MSRB3: variants seen among roughly 807,000 people sequenced by gnomAD.
The protein encoded by MSRB3 is methionine-R-sulfoxide reductase B3.
In MSRB3, 13 loss-of-function variants were observed where a neutral mutation model predicts 21.0. That is an observed-to-expected ratio of 0.62 (90% CI 0.40 to 0.98). MSRB3 has a LOEUF of 0.98. MSRB3 is among the 50% of genes least tolerant of loss of function. MSRB3 has a pLI of 0.00. For missense variants in MSRB3, 199 were observed against 230.3 expected, an observed-to-expected ratio of 0.86 and a Z score of 0.88; for synonymous variants, 87 against 88.6, an observed-to-expected ratio of 0.98 and a Z score of 0.10.
intron 4 of MSRB3, among the ~76,000 whole-genome samples, chr12:65,354,658 A>T (rs752522986): frequency 3.3e-5 from 5 of 151,808 alleles, no homozygotes; most frequent in African/African-American, 9.6e-5. Context: ...CTTTAAGTTT[A>T]CTACAAAGGC....
intron 5 of MSRB3, among the ~76,000 whole-genome samples, chr12:65,440,513 A>G (rs1357860290): frequency 6.6e-6 from 1 of 151,924 alleles, no homozygotes; most frequent in African/African-American, 2.4e-5. Flanking sequence ...AACAATGCAT[A>G]AGAATTTAAT....
Position 65,358,469 on chromosome 12 carries a change from T to C in MSRB3, c.264-10529T>C, listed in dbSNP as rs75530209. ...CTTTATTTATTTTTGTTGCTCATAT[T>C]GTTCCAGGTTTGGCCATTGAGAGCT... On this transcript the variant is annotated intron_variant, in intron 4 of 6. Transcript: ENST00000308259. Among the ~76,000 whole-genome samples the C allele has an allele frequency of 3.4e-3, 512 of 152,172 alleles. 9 individuals are homozygous for C. The East Asian group carries it at 0.049, about 14-fold the overall frequency.
chr12:65,388,792 G>A (rs1183053355), intron 5 of MSRB3, among the ~76,000 whole-genome samples: 1 of 152,104 alleles, frequency 6.6e-6, no homozygotes, highest in Non-Finnish European at 1.5e-5. Flanking sequence ...GATCACCTGA[G>A]CCCAGGGAGG....
chr12:65,363,714 G>T lies in MSRB3; in HGVS notation c.264-5284G>T, dbSNP rs540884348. ...AAAATAACAGCTTGGGGCCGGGCGTGGTGGCTCACACCTGTAATCCTAGCA... is the reference window on the plus strand; with the variant it reads ...AAAATAACAGCTTGGGGCCGGGCGTTGTGGCTCACACCTGTAATCCTAGCA... On this transcript the variant is annotated intron_variant, in intron 4 of 6. Transcript: ENST00000308259. Among the ~76,000 whole-genome samples the T allele has an allele frequency of 2.6e-4, 40 of 152,190 alleles. 1 individual carries two copies. The South Asian group carries it at 7.5e-3, about 28-fold the overall frequency.
chr12:65,458,470 C>A (rs910128363), intron 6 of MSRB3, among the ~76,000 whole-genome samples: 3 of 152,146 alleles, frequency 2.0e-5, no homozygotes, highest in African/African-American at 4.8e-5. Context: ...GTCCTATCAC[C>A]ACTTTTTCTA....
intron 5 of MSRB3, among the ~76,000 whole-genome samples, chr12:65,423,425 G>T (rs1005940165): frequency 1.2e-4 from 19 of 152,132 alleles, no homozygotes; most frequent in African/African-American, 4.6e-4. Flanking sequence ...CCCTTGTCTT[G>T]TTTCAGATCT....
At chr12:65,442,597 T>C (rs1882434661) in intron 5 of MSRB3, among the ~76,000 whole-genome samples, 1 of 152,092 alleles carries the variant, frequency 6.6e-6, no homozygotes, top group Non-Finnish European at 1.5e-5. Context: ...CTGTCTGATG[T>C]AGCTAATAAA....
At chr12:65,404,591 T>C (rs1026932252) in intron 5 of MSRB3, among the ~76,000 whole-genome samples, 1 of 152,234 alleles carries the variant, frequency 6.6e-6, no homozygotes. Flanking sequence ...TCCTTTTCTC[T>C]GAAGAATGTC....
chr12:65,283,815 G>A (rs1872185956), intron 1 of MSRB3: 1 of 152,146 alleles, frequency 6.6e-6, no homozygotes, highest in African/African-American at 2.4e-5. Flanking sequence ...TGCTTTTATG[G>A]TATCCTGCTT....
intron 5 of MSRB3, among the ~76,000 whole-genome samples, chr12:65,452,619 T>C (rs1882904878): frequency 6.6e-6 from 1 of 152,192 alleles, no homozygotes; most frequent in African/African-American, 2.4e-5. Flanking sequence ...CTCTTGGTGT[T>C]AAATCTAGCA....
intron 1 of MSRB3, among the ~76,000 whole-genome samples, chr12:65,292,781 T>C (rs1872735341): frequency 6.6e-6 from 1 of 152,140 alleles, no homozygotes; most frequent in Non-Finnish European, 1.5e-5. Context: ...AGTAGTGTGG[T>C]GCTCTTCTAG....
chr12:65,343,768 A>G (rs1260749527), intron 4 of MSRB3, among the ~76,000 whole-genome samples: 1 of 152,044 alleles, frequency 6.6e-6, no homozygotes, highest in African/African-American at 2.4e-5. Context: ...GCTCAATATT[A>G]TGTTATAATG....
intron 1 of MSRB3, chr12:65,279,157 ACCCGCGGGAGCCTCTCGC>A: frequency 9.4e-7 from 1 of 1,062,314 alleles, no homozygotes; most frequent in Non-Finnish European, 1.2e-6. Flanking sequence ...GCGAACCTGA[ACCCGCGGGAGCCTCTCGC>A]CCCGCGCGGG....
chr12:65,382,858 G>GTA (rs563141207), intron 5 of MSRB3, among the ~76,000 whole-genome samples: 155 of 151,812 alleles, frequency 1.0e-3, no homozygotes, highest in Admixed American at 2.9e-3. Flanking sequence ...CCACACACGT[G>GTA]TATATATATA....
chr12:65,353,594 C>A (rs1877182688), intron 4 of MSRB3, among the ~76,000 whole-genome samples: 1 of 152,108 alleles, frequency 6.6e-6, no homozygotes, highest in Admixed American at 6.6e-5. Context: ...CTTCCTCCAT[C>A]CCTTTATTTT....
rs1233903999 is a variant in MSRB3, at chr12:65,465,265, T to C, written c.*1943T>C. 3 of 152,228 alleles carry C rather than the reference T, an allele frequency of 2.0e-5. No homozygotes were observed. The highest frequency in any genetic ancestry group is 2.0e-4 in the Admixed American group (3 of 15,274). 9.4% of individuals were successfully genotyped at this position (152,228 alleles called of 1,614,324 possible). A position where few individuals can be genotyped will look rare whatever the true frequency, so the allele number is the denominator to read the frequency against. On this transcript the variant is annotated 3_prime_UTR_variant, in exon 7 of 7. Coordinates refer to ENST00000308259, the MANE Select transcript of MSRB3 (RefSeq NM_001031679.3). The stretch of plus-strand genomic sequence containing the variant: ...TTCACAAGTATAAACAATGGTGATG[T>C]AAGTCAACATTGCTGTAGCCAGGTG...
intron 5 of MSRB3, among the ~76,000 whole-genome samples, chr12:65,407,259 G>T (rs1271562320): frequency 2.0e-5 from 3 of 151,100 alleles, no homozygotes; most frequent in Non-Finnish European, 4.4e-5. Context: ...TTTTTTTTTG[G>T]TCTAAGAAAG....
At position 65,278,774 on chromosome 12, in the gene MSRB3, C is replaced by T; in HGVS notation, c.-143C>T. The T allele has an allele frequency of 6.3e-7, 1 of 1,577,732 alleles. No individual in the cohort carries two copies. Among genetic ancestry groups the T allele is most frequent in the East Asian group, 2.3e-5 (1 of 42,832 alleles). On this transcript the variant is annotated 5_prime_UTR_variant, in exon 1 of 7. Transcript: ENST00000308259. ...GGCGGCTGCCTGGCCTTTCCATGAGCCCGCGGCGGACCCTCCCGCGCCCCC... is the reference window on the plus strand; with the variant it reads ...GGCGGCTGCCTGGCCTTTCCATGAGTCCGCGGCGGACCCTCCCGCGCCCCC...
intron 5 of MSRB3, among the ~76,000 whole-genome samples, chr12:65,414,358 T>A (rs1880865805): frequency 6.6e-6 from 1 of 152,190 alleles, no homozygotes; most frequent in Non-Finnish European, 1.5e-5. Flanking sequence ...CAGTCATGCA[T>A]CTCATAATCA....
Sources: gnomAD v4.1 joint callset for allele counts (sites outside exome capture counted in the v4.1 genomes callset) on GRCh38, gnomAD v4.1.1 for gene constraint, MANE v1.5 for transcripts, NCBI Gene and HGNC (gene_info 2026-07-23, HGNC 2026-07-21) for gene names.